TMEM132B: variants seen among roughly 807,000 people sequenced by gnomAD.
TMEM132B encodes the protein transmembrane protein 132B.
TMEM132B carries 18 observed loss-of-function variants against 90.8 expected under a neutral mutation model. The observed-to-expected ratio is 0.20, with a 90% CI of 0.14 to 0.29. TMEM132B has a LOEUF of 0.29. TMEM132B is among the 10% of genes least tolerant of loss of function. The pLI, the probability that TMEM132B is intolerant of heterozygous loss-of-function variation, is 1.00. For missense variants in TMEM132B, 1,096 were observed against 1,326.8 expected, an observed-to-expected ratio of 0.83 and a Z score of 2.70; for synonymous variants, 504 against 523.3, an observed-to-expected ratio of 0.96 and a Z score of 0.50.
chr12:125,489,660 C>T (rs11058203), intron 3 of TMEM132B, among the ~76,000 whole-genome samples: 68,663 of 151,956 alleles, frequency 0.45, 15,828 homozygotes, highest in Middle Eastern at 0.61. Flanking sequence ...GATTCACCCA[C>T]CTTAGCCTCC....
intron 1 of TMEM132B, among the ~76,000 whole-genome samples, chr12:125,282,306 G>A (rs1369493502): frequency 6.6e-6 from 1 of 151,926 alleles, no homozygotes; most frequent in Admixed American, 6.6e-5. Context: ...TGGTGCCCCC[G>A]CCTTCCCCGG....
At chr12:125,365,462 C>T (rs1373516861) in intron 2 of TMEM132B, among the ~76,000 whole-genome samples, 3 of 151,952 alleles carry the variant, frequency 2.0e-5, no homozygotes, top group African/African-American at 4.8e-5. Context: ...CAATAGTAGC[C>T]TTTTGCATTT....
chr12:125,240,126 G>C (rs1396311101), intron 1 of TMEM132B, among the ~76,000 whole-genome samples: 1 of 152,172 alleles, frequency 6.6e-6, no homozygotes, highest in Admixed American at 6.5e-5. Flanking sequence ...TCCACCTTCT[G>C]GTGATTCTGT....
At chr12:125,622,555 C>T in intron 5 of TMEM132B, 1 of 985,350 alleles carries the variant, frequency 1.0e-6, no homozygotes, top group Non-Finnish European at 1.2e-6. Flanking sequence ...CACATCAAGC[C>T]TTCCTCGGTG....
chr12:125,655,782 A>G lies in TMEM132B; in HGVS notation c.*1072A>G, dbSNP rs1887045425. On this transcript the variant is annotated 3_prime_UTR_variant, in exon 9 of 9. Coordinates refer to ENST00000682704, the MANE Select transcript of TMEM132B (RefSeq NM_001366854.1). ...TGCAGATTACACTTTCCATTTTACCAGAACAAAAGTTTTTTTTTTTTTAAA... is the reference window on the plus strand; with the variant it reads ...TGCAGATTACACTTTCCATTTTACCGGAACAAAAGTTTTTTTTTTTTTAAA... 6.7e-6 allele frequency: 1 copy of G among 149,364 alleles called. No individual in the cohort carries two copies. The highest frequency in any genetic ancestry group is 2.5e-5 in the African/African-American group (1 of 40,428). 9.3% of individuals were successfully genotyped at this position (149,364 alleles called of 1,614,324 possible).
intron 1 of TMEM132B, among the ~76,000 whole-genome samples, chr12:125,270,057 G>A (rs888914786): frequency 6.6e-6 from 1 of 151,298 alleles, no homozygotes; most frequent in Non-Finnish European, 1.5e-5. Flanking sequence ...ACACTTCCCA[G>A]GTTCCTTTGC....
intron 1 of TMEM132B, among the ~76,000 whole-genome samples, chr12:125,279,794 C>G (rs1362240318): frequency 1.3e-5 from 2 of 152,248 alleles, no homozygotes; most frequent in South Asian, 4.2e-4. Flanking sequence ...TTGAGAAACC[C>G]TCTAACAGGA....
chr12:125,342,482 G>A (rs1264213619), intron 1 of TMEM132B, among the ~76,000 whole-genome samples: 2 of 152,138 alleles, frequency 1.3e-5, no homozygotes, highest in Non-Finnish European at 2.9e-5. Context: ...TGATGCTAGG[G>A]GTGGGTCTCT....
chr12:125,427,707 G>A (rs1490612427), intron 3 of TMEM132B, among the ~76,000 whole-genome samples: 1 of 152,164 alleles, frequency 6.6e-6, no homozygotes, highest in African/African-American at 2.4e-5. Flanking sequence ...ATGCACTGTA[G>A]GTCCTTTGTG....
chr12:125,264,527 A>T (rs1237256606), intron 1 of TMEM132B, among the ~76,000 whole-genome samples: 1 of 152,174 alleles, frequency 6.6e-6, no homozygotes, highest in Non-Finnish European at 1.5e-5. Flanking sequence ...CCTGGGGCCC[A>T]GTTGCTGGAG....
chr12:125,550,927 C>G (rs558341991), intron 4 of TMEM132B, among the ~76,000 whole-genome samples: 1 of 152,316 alleles, frequency 6.6e-6, no homozygotes, highest in South Asian at 2.1e-4. Context: ...ATTCTCCCCC[C>G]TCAGCCTCCC....
At chr12:125,433,136 C>T (rs1262599359) in intron 3 of TMEM132B, among the ~76,000 whole-genome samples, 2 of 152,248 alleles carry the variant, frequency 1.3e-5, no homozygotes, top group Non-Finnish European at 2.9e-5. Flanking sequence ...GTCAGCCCCA[C>T]AGCCAGGGTC....
intron 3 of TMEM132B, among the ~76,000 whole-genome samples, chr12:125,463,242 A>G (rs142555762): frequency 1.8e-3 from 269 of 152,266 alleles, no homozygotes; most frequent in Middle Eastern, 0.014. Flanking sequence ...TAAAAGTGCA[A>G]TATTCATAGT....
At chr12:125,267,995 C>T (rs768683525) in intron 1 of TMEM132B, among the ~76,000 whole-genome samples, 1 of 152,150 alleles carries the variant, frequency 6.6e-6, no homozygotes, top group African/African-American at 2.4e-5. Flanking sequence ...CCTGTAATCC[C>T]TGTACTTTAG....
intron 4 of TMEM132B, among the ~76,000 whole-genome samples, chr12:125,559,962 C>A (rs1884479074): frequency 6.6e-6 from 1 of 152,192 alleles, no homozygotes; most frequent in Non-Finnish European, 1.5e-5. Context: ...AGACTGAGAA[C>A]CCATGGCCCT....
At chr12:125,438,137 T>C (rs1880756027) in intron 3 of TMEM132B, among the ~76,000 whole-genome samples, 2 of 152,226 alleles carry the variant, frequency 1.3e-5, no homozygotes, top group African/African-American at 2.4e-5. Flanking sequence ...TCAACTGCAT[T>C]CTTCTCCCTT....
chr12:125,516,621 A>G (rs1166028888), intron 3 of TMEM132B, among the ~76,000 whole-genome samples: 1 of 152,220 alleles, frequency 6.6e-6, no homozygotes, highest in Admixed American at 6.5e-5. Flanking sequence ...TCTTATGCAG[A>G]CCTACCCTCT....
intron 1 of TMEM132B, chr12:125,301,006 G>C (rs568080504): frequency 1.3e-5 from 2 of 151,918 alleles, no homozygotes; most frequent in South Asian, 2.1e-4. Context: ...CCATTGCTAC[G>C]TGACTCTGGG....
At chr12:125,333,834 C>G (rs1407785690) in intron 1 of TMEM132B, among the ~76,000 whole-genome samples, 1 of 152,002 alleles carries the variant, frequency 6.6e-6, no homozygotes, top group Non-Finnish European at 1.5e-5. Context: ...TGTCTGTGAC[C>G]CAGATACTGT....
Sources: allele counts gnomAD v4.1 joint callset (sites outside exome capture counted in the v4.1 genomes callset), GRCh38; gene constraint gnomAD v4.1.1; transcripts MANE v1.5; gene names NCBI Gene and HGNC (gene_info 2026-07-23, HGNC 2026-07-21).